Variants in IQCJ observed in about 807,000 individuals in gnomAD.
The protein encoded by IQCJ is IQ domain-containing protein J.
Under a neutral mutation model 11.0 loss-of-function variants are expected in IQCJ, and 9 were observed. The observed-to-expected ratio is 0.82, with a 90% confidence interval of 0.49 to 1.43. IQCJ has a LOEUF of 1.43. Ranked by LOEUF, IQCJ falls within the 40% of genes most tolerant of loss-of-function variation. The pLI, the probability that IQCJ is intolerant of heterozygous loss-of-function variation, is 0.00. For synonymous variants in IQCJ, 55 were observed against 51.3 expected (o/e 1.07, Z -0.31); for missense variants, 146 against 133.2 (o/e 1.10, Z -0.47).
rs908063443 is a variant in IQCJ, at chr3:159,082,028, G to A, written c.9+12587G>A. ...AACAACTTGTTGATTCAAGGGGAAA[G>A]GTCAGTTATTTTTTTCATTGTATTG... On this transcript the variant is annotated intron_variant, in intron 1 of 3. Transcript: ENST00000397832. Among the ~76,000 whole-genome samples the A allele has an allele frequency of 4.6e-5, 7 of 152,162 alleles. No homozygotes were observed. In the East Asian group the frequency reaches 1.2e-3, roughly 25 times the overall value.
chr3:159,069,843 TTGTGTGTGTGTGTGTGTGTGTGTGTGTG>T (rs34425057), intron 1 of IQCJ: 3 of 300,506 alleles, frequency 1.0e-5, no homozygotes, highest in African/African-American at 7.0e-5. Flanking sequence ...CCCTCCTTTC[TTGTGTGTGTGTGTGTGTGTGTGTGTGTG>T]TGTGTGTGTG....
rs1577092906 is a variant in IQCJ at position 159,224,663 on chromosome 3, C to G, written c.10-21180C>G. Among the ~76,000 whole-genome samples, 4 of 152,252 alleles carry G rather than the reference C, an allele frequency of 2.6e-5. No homozygotes were observed. The South Asian group carries it at 6.2e-4, about 24-fold the overall frequency. On this transcript the variant is annotated intron_variant, in intron 1 of 3. Coordinates refer to ENST00000397832, the MANE Select transcript of IQCJ (RefSeq NM_001042706.3). ...TGGAAGTATACACTACCACCTAATG[C>G]CTCTGCAAAAGATCAGAGTAGAATC...
rs71302258 is a variant in IQCJ at position 159,094,422 on chromosome 3, C to CTTTT, written c.9+25004_9+25007dup. Among the ~76,000 whole-genome samples the CTTTT allele has an allele frequency of 1.8e-4, 13 of 71,712 alleles. 1 individual carries two copies. The highest frequency in any genetic ancestry group is 5.5e-4 in the South Asian group (1 of 1,806). The allele number at this position is 71,712 out of a possible 152,430, so 47.0% of individuals were successfully genotyped here. ...TCTGCAGTTTTTTGTACAGGATCTG[C>CTTTT]TTTTTTTTTTTTTTTTTTTTTTTTT... On this transcript the variant is annotated intron_variant, in intron 1 of 3. Transcript: ENST00000397832.
At chr3:159,085,265 G>C (rs981355202) in intron 1 of IQCJ, among the ~76,000 whole-genome samples, 30 of 151,116 alleles carry the variant, frequency 2.0e-4, no homozygotes, top group African/African-American at 5.8e-4. Flanking sequence ...TTTTATGGCT[G>C]CATAGTATTC....
chr3:159,089,768 C>T (rs1238164266), intron 1 of IQCJ, among the ~76,000 whole-genome samples: 1 of 151,660 alleles, frequency 6.6e-6, no homozygotes, highest in Non-Finnish European at 1.5e-5. Context: ...TTTTCAGCTC[C>T]ATCAGCTCCT....
chr3:159,084,644 C>A (rs1275676473), intron 1 of IQCJ, among the ~76,000 whole-genome samples: 1 of 152,102 alleles, frequency 6.6e-6, no homozygotes, highest in Non-Finnish European at 1.5e-5. Flanking sequence ...GCCAGGGTCA[C>A]ACAGCTGGTA....
intron 1 of IQCJ, among the ~76,000 whole-genome samples, chr3:159,169,445 C>G (rs1328802180): frequency 2.6e-5 from 4 of 151,808 alleles, no homozygotes; most frequent in African/African-American, 9.7e-5. Context: ...GCCACCACAC[C>G]CAGCTAATTT....
intron 2 of IQCJ, 60 bp downstream of exon 2, chr3:159,245,967 A>G (rs1191480436): frequency 1.0e-5 from 13 of 1,302,226 alleles, no homozygotes; most frequent in Non-Finnish European, 2.1e-6. Flanking sequence ...GTAAAAAGAA[A>G]ATCTTTCTGG....
intron 1 of IQCJ, among the ~76,000 whole-genome samples, chr3:159,089,976 T>G (rs1169336416): frequency 1.3e-5 from 2 of 151,922 alleles, no homozygotes; most frequent in African/African-American, 2.4e-5. Context: ...ACTGCATTCC[T>G]TTGGAGGAGG....
At chr3:159,164,053 G>A (rs1161529323) in intron 1 of IQCJ, among the ~76,000 whole-genome samples, 1 of 152,120 alleles carries the variant, frequency 6.6e-6, no homozygotes, top group East Asian at 1.9e-4. Flanking sequence ...AAAAAATCAA[G>A]AAATGAATTC....
chr3:159,153,859 C>T lies in IQCJ; in HGVS notation c.9+84418C>T, dbSNP rs151218924. On this transcript the variant is annotated intron_variant, in intron 1 of 3. Transcript: ENST00000397832. ...AGAGAAAATCCTAGTGCTGTCACTGCGGAGCTGTCTGTGGTTGTAGAGTTG... is the reference window on the plus strand; with the variant it reads ...AGAGAAAATCCTAGTGCTGTCACTGTGGAGCTGTCTGTGGTTGTAGAGTTG... 4.6e-3 allele frequency among the ~76,000 whole-genome samples: 705 copies of T among 152,250 alleles called. 6 individuals are homozygous for T. Among genetic ancestry groups the T allele is most frequent in the African/African-American group, 0.013 (539 of 41,558 alleles).
At position 159,262,736 on chromosome 3, in the gene IQCJ, C is replaced by T. The variant is rs1371405852; in HGVS notation, c.*5C>T. 6.2e-7 allele frequency: 1 copy of T among 1,611,416 alleles called. No individual in the cohort carries two copies. Among genetic ancestry groups the T allele is most frequent in the East Asian group, 2.2e-5 (1 of 44,820 alleles). On this transcript the variant is annotated 3_prime_UTR_variant, in exon 4 of 4. Coordinates refer to ENST00000397832, the MANE Select transcript of IQCJ (RefSeq NM_001042706.3). ...CCTGACTTGACATTCAACTGAAAGC[C>T]TAGACTTTGGTTCTAAGAGAGAAAT...
chr3:159,144,912 C>T (rs1357895366), intron 1 of IQCJ, among the ~76,000 whole-genome samples: 1 of 152,102 alleles, frequency 6.6e-6, no homozygotes, highest in Non-Finnish European at 1.5e-5. Flanking sequence ...GAATTGTTTC[C>T]ACCTTTTCTT....
intron 3 of IQCJ, among the ~76,000 whole-genome samples, chr3:159,262,019 CTG>C (rs1728239577): frequency 6.6e-6 from 1 of 152,220 alleles, no homozygotes; most frequent in Admixed American, 6.5e-5. Flanking sequence ...GCCATGCAGA[CTG>C]TGCTGCACAT....
chr3:159,241,119 A>G (rs564526382), intron 1 of IQCJ, among the ~76,000 whole-genome samples: 1 of 151,952 alleles, frequency 6.6e-6, no homozygotes, highest in African/African-American at 2.4e-5. Context: ...TTTTAAAGTG[A>G]GAGAATCTGG....
intron 1 of IQCJ, among the ~76,000 whole-genome samples, chr3:159,235,889 G>A (rs181345790): frequency 1.3e-5 from 2 of 152,286 alleles, no homozygotes; most frequent in East Asian, 1.9e-4. Context: ...AAGTTTCTAA[G>A]TTTACAATGT....
intron 1 of IQCJ, among the ~76,000 whole-genome samples, chr3:159,187,612 C>T (rs1723445053): frequency 6.6e-6 from 1 of 152,204 alleles, no homozygotes; most frequent in Admixed American, 6.5e-5. Context: ...TGGAATTGTC[C>T]ATGCTGTAGA....
chr3:159,167,607 G>T (rs1056845501), intron 1 of IQCJ, among the ~76,000 whole-genome samples: 1 of 152,162 alleles, frequency 6.6e-6, no homozygotes, highest in Non-Finnish European at 1.5e-5. Flanking sequence ...GTCATGAATT[G>T]TTTTGAAGAT....
chr3:159,203,717 C>A (rs1210799245), intron 1 of IQCJ, among the ~76,000 whole-genome samples: 1 of 151,996 alleles, frequency 6.6e-6, no homozygotes, highest in Non-Finnish European at 1.5e-5. Context: ...CAAGGCTAAG[C>A]CCTGCTTATG....
Sources: gnomAD v4.1 joint callset for allele counts (sites outside exome capture counted in the v4.1 genomes callset) on GRCh38, gnomAD v4.1.1 for gene constraint, MANE v1.5 for transcripts, NCBI Gene and HGNC (gene_info 2026-07-23, HGNC 2026-07-21) for gene names.